Variants in ZCWPW1 observed in about 807,000 individuals in gnomAD.
The protein encoded by ZCWPW1 is zinc finger CW-type and PWWP domain containing 1, also known as zinc finger CW-type PWWP domain protein 1.
In ZCWPW1, 56 loss-of-function variants were observed where a neutral mutation model predicts 81.3. The ratio of observed to expected loss-of-function variants is 0.69; its 90% CI spans 0.56 to 0.86. The LOEUF (loss-of-function observed/expected upper bound fraction) is 0.86. ZCWPW1 is among the 40% of genes least tolerant of loss of function. The pLI is 0.00. For missense variants in ZCWPW1, 650 were observed against 769.8 expected, an observed-to-expected ratio of 0.84 and a Z score of 1.84; for synonymous variants, 250 against 273.7, an observed-to-expected ratio of 0.91 and a Z score of 0.86.
intron 16 of ZCWPW1, 88 bp downstream of exon 16, chr7:100,402,428 A>C: frequency 2.9e-6 from 4 of 1,395,292 alleles, no homozygotes; most frequent in East Asian, 2.3e-5. Flanking sequence ...TGAGATGGGC[A>C]GTGAGGTCCA....
chr7:100,417,569 T>C (rs2130764795), intron 5 of ZCWPW1: 1 of 158,312 alleles, frequency 6.3e-6, no homozygotes, highest in African/African-American at 2.4e-5. Flanking sequence ...ATACAAAAAA[T>C]TTGCCAGGCA....
chr7:100,422,368 G>A (rs2130843749), intron 2 of ZCWPW1, among the ~76,000 whole-genome samples: 1 of 152,302 alleles, frequency 6.6e-6, no homozygotes, highest in African/African-American at 2.4e-5. Context: ...CAGGTACTCT[G>A]GGGGTAAAAG....
rs772677389 is a variant in ZCWPW1, at chr7:100,411,269, C to CT, written c.755-1726dup. Among the ~76,000 whole-genome samples, 471 of 144,518 alleles carry CT rather than the reference C, an allele frequency of 3.3e-3. 2 individuals are homozygous for CT. The highest frequency in any genetic ancestry group is 0.026 in the South Asian group (119 of 4,578). The allele number at this position is 144,518 out of a possible 152,430, so 94.8% of individuals were successfully genotyped here. The stretch of plus-strand genomic sequence containing the variant: ...CATATAAGGATCACTTTCGCAATTA[C>CT]TTTTTTTTTTTTTTTGAAACACAGT... On this transcript the variant is annotated intron_variant, in intron 8 of 17. Transcript: ENST00000684423.
intron 9 of ZCWPW1, among the ~76,000 whole-genome samples, chr7:100,409,128 C>A (rs745711311): frequency 1.3e-5 from 2 of 152,094 alleles, no homozygotes; most frequent in Non-Finnish European, 2.9e-5. Context: ...TATCCTATAT[C>A]CCTCCCTATC....
intron 5 of ZCWPW1, 182 bp downstream of exon 5, chr7:100,418,929 G>A (rs539980775): frequency 4.7e-4 from 201 of 429,256 alleles, no homozygotes; most frequent in Non-Finnish European, 7.4e-4. Flanking sequence ...TTTATCTAAG[G>A]TGGTTTAGCT....
chr7:100,420,602 C>T lies in ZCWPW1; in HGVS notation c.28+20G>A. On this transcript the variant is annotated intron_variant, in intron 3 of 17. Transcript: ENST00000684423. ...AATGAGAGAAATGTATGAAGCGAAC[C>T]TCCCTCACTCTTGACTCACCTTCTT... is the stretch of plus-strand genomic sequence containing the variant. The T allele has an allele frequency of 6.2e-7, 1 of 1,614,024 alleles. No homozygotes were observed. Among genetic ancestry groups the T allele is most frequent in the Non-Finnish European group, 8.5e-7 (1 of 1,179,986 alleles).
chr7:100,410,655 G>A (rs1228067820), intron 8 of ZCWPW1, among the ~76,000 whole-genome samples: 1 of 151,884 alleles, frequency 6.6e-6, no homozygotes, highest in Admixed American at 6.6e-5. Flanking sequence ...TTTTCTTCAT[G>A]TCACCTCTGG....
At chr7:100,416,528 C>A in intron 6 of ZCWPW1, 72 bp from the exon 7 acceptor site, 4 of 1,524,624 alleles carry the variant, frequency 2.6e-6, no homozygotes, top group Non-Finnish European at 3.6e-6. Context: ...TGAAAAAACC[C>A]GAGTAAAAGG....
chr7:100,405,147 T>C (rs747898339), intron 12 of ZCWPW1, 54 bp from the exon 13 acceptor site: 2 of 1,571,736 alleles, frequency 1.3e-6, no homozygotes, highest in Admixed American at 3.4e-5. Context: ...ATTAGAGTCA[T>C]GACCAGGTGC....
At chr7:100,419,332 A>T in intron 4 of ZCWPW1, 143 bp from the exon 5 acceptor site, 2 of 773,340 alleles carry the variant, frequency 2.6e-6, no homozygotes, top group Non-Finnish European at 4.1e-6. Flanking sequence ...GAGGCCATGA[A>T]CTATATCCCA....
intron 8 of ZCWPW1, among the ~76,000 whole-genome samples, chr7:100,413,235 T>C (rs960215582): frequency 6.6e-6 from 1 of 152,204 alleles, no homozygotes; most frequent in African/African-American, 2.4e-5. Context: ...TAGGATAAAA[T>C]GTTCACTCTG....
At chr7:100,404,534 AT>A (rs1792581251) in intron 13 of ZCWPW1, among the ~76,000 whole-genome samples, 1 of 151,688 alleles carries the variant, frequency 6.6e-6, no homozygotes, top group Admixed American at 6.6e-5. Flanking sequence ...CTAATTTTGT[AT>A]TTTTTGCAGA....
chr7:100,401,139 C>T lies in ZCWPW1; in HGVS notation c.1825G>A (p.Ala609Thr), dbSNP rs778645902. Reference sequence around the variant, plus strand: ...TGCTCCAGGTCCAGGTCACTGGAGGCTTCGTCCTCAAGGGGGACACTTCCA... The same window carrying T: ...TGCTCCAGGTCCAGGTCACTGGAGGTTTCGTCCTCAAGGGGGACACTTCCA... Reference protein sequence around the residue: ...EAGSVPLEDEASSDLDLEQLM... With the variant: ...EAGSVPLEDETSSDLDLEQLM... Residue 609 changes from alanine (A) to threonine (T), a missense_variant, in exon 18 of 18, where the codon GCC becomes ACC. Transcript: ENST00000684423. 5 of 1,614,110 alleles carry T rather than the reference C, an allele frequency of 3.1e-6. No individual in the cohort carries two copies. The highest frequency in any genetic ancestry group is 3.4e-6 in the Non-Finnish European group (4 of 1,180,038).
intron 8 of ZCWPW1, 71 bp downstream of exon 8, chr7:100,415,904 T>A: frequency 6.2e-7 from 1 of 1,600,382 alleles, no homozygotes; most frequent in Non-Finnish European, 8.5e-7. Flanking sequence ...TCCTCTAACA[T>A]CCTAACCCTG....
rs1378107517 is a variant in ZCWPW1 at position 100,419,631 on chromosome 7, T to G, written c.281A>C (p.Lys94Thr). The G allele has an allele frequency of 6.2e-7, 1 of 1,609,156 alleles. No individual in the cohort carries two copies. The highest frequency in any genetic ancestry group is 1.7e-5 in the Admixed American group (1 of 58,832). ...AGAGCCCACCACTATGACTGGTACCTTTTCTTTCTTCTCTGCTTGCTTGTT... is the reference window on the plus strand; with the variant it reads ...AGAGCCCACCACTATGACTGGTACCGTTTCTTTCTTCTCTGCTTGCTTGTT... The part of the protein sequence containing the change: ...QINKQAEKKE[K>T]EKSSLTNAEF... The change falls in exon 4 of 18, where the codon AAG (lysine) becomes ACG (threonine). Residue 94 changes from lysine (K) to threonine (T), a missense_variant and splice_region_variant. By Grantham distance (78) the Lys-to-Thr change is moderately conservative. Transcript: ENST00000684423.
In ZCWPW1 at chr7:100,416,436, T is replaced by TGA; in HGVS notation, c.498_499dup (p.Gln167LeufsTer16). 6.2e-7 allele frequency: 1 copy of TGA among 1,614,210 alleles called. No homozygotes were observed. The highest frequency in any genetic ancestry group is 1.1e-5 in the South Asian group (1 of 91,082). ...ACCTTCCCAAGACACTGAAATCTCT[T>TGA]GAGTATGTGGTACCTCCTCTCTGAA... On this transcript the variant is annotated frameshift_variant, in exon 7 of 18. Coordinates refer to ENST00000684423, the MANE Select transcript of ZCWPW1 (RefSeq NM_001386010.1). LOFTEE classifies it high-confidence loss of function.
At chr7:100,411,132 A>C (rs2130611947) in intron 8 of ZCWPW1, among the ~76,000 whole-genome samples, 1 of 152,280 alleles carries the variant, frequency 6.6e-6, no homozygotes, top group South Asian at 2.1e-4. Flanking sequence ...ACTCTCTCCC[A>C]CTGCCAAATT....
At chr7:100,417,036 G>T in intron 6 of ZCWPW1, 30 bp downstream of exon 6, 1 of 1,527,260 alleles carries the variant, frequency 6.5e-7, no homozygotes, top group Non-Finnish European at 9.1e-7. Context: ...TCCATTCTGT[G>T]TTCAACTTGC....
chr7:100,405,300 C>T (rs903743311), intron 12 of ZCWPW1, among the ~76,000 whole-genome samples: 1 of 151,856 alleles, frequency 6.6e-6, no homozygotes, highest in Admixed American at 6.6e-5. Context: ...TGGTGGTGGG[C>T]GCCTGTAACC....
Sources: gnomAD v4.1 joint callset for allele counts (sites outside exome capture counted in the v4.1 genomes callset) on GRCh38, gnomAD v4.1.1 for gene constraint, MANE v1.5 for transcripts, NCBI Gene and HGNC (gene_info 2026-07-23, HGNC 2026-07-21) for gene names.